Variants in CSNK1G1 observed in about 807,000 individuals in gnomAD.
CSNK1G1 encodes the protein casein kinase I isoform gamma-1.
In CSNK1G1, 22 loss-of-function variants were observed where a neutral mutation model predicts 59.6. The ratio of observed to expected loss-of-function variants is 0.37; its 90% CI spans 0.26 to 0.53. CSNK1G1 has a LOEUF of 0.53. Ranked by LOEUF, CSNK1G1 falls within the 20% of genes least tolerant of loss-of-function variation. The pLI, the probability that CSNK1G1 is intolerant of heterozygous loss-of-function variation, is 0.89. For missense variants in CSNK1G1, 384 were observed against 519.5 expected (o/e 0.74, Z 2.54); for synonymous variants, 179 against 177.1 (o/e 1.01, Z -0.08).
intron 3 of CSNK1G1, among the ~76,000 whole-genome samples, chr15:64,254,729 C>T (rs1892279579): frequency 6.6e-6 from 1 of 152,146 alleles, no homozygotes; most frequent in Non-Finnish European, 1.5e-5. Flanking sequence ...TTATTTTCTC[C>T]TATTCCTTTC....
intron 1 of CSNK1G1, among the ~76,000 whole-genome samples, chr15:64,334,520 G>T (rs1171666207): frequency 1.3e-5 from 2 of 152,158 alleles, no homozygotes; most frequent in Non-Finnish European, 2.9e-5. Flanking sequence ...TCACCATAAT[G>T]TAGAATCAGT....
At chr15:64,303,344 G>A in intron 1 of CSNK1G1, among the ~76,000 whole-genome samples, 1 of 151,032 alleles carries the variant, frequency 6.6e-6, no homozygotes, top group Non-Finnish European at 1.5e-5. Context: ...GCTGGGCATG[G>A]TGGCTCATCC....
chr15:64,333,041 G>A (rs1347150942), intron 1 of CSNK1G1, among the ~76,000 whole-genome samples: 1 of 151,950 alleles, frequency 6.6e-6, no homozygotes, highest in Non-Finnish European at 1.5e-5. Context: ...TGGATCACCT[G>A]AGGTTAGGAG....
Position 64,254,508 on chromosome 15 carries a change from C to T in CSNK1G1, c.223-2927G>A, listed in dbSNP as rs542438041. On this transcript the variant is annotated intron_variant, in intron 3 of 11. Transcript: ENST00000303052. Reference sequence around the variant, plus strand: ...CTGGGATTACAGGTATGCACCACCACACCTGGCTAATTTTTGTATTTTTAG... The same window carrying T: ...CTGGGATTACAGGTATGCACCACCATACCTGGCTAATTTTTGTATTTTTAG... Among the ~76,000 whole-genome samples, 7 of 152,160 alleles carry T rather than the reference C, an allele frequency of 4.6e-5. No homozygotes were observed. The East Asian group carries it at 9.7e-4, about 21-fold the overall frequency.
At chr15:64,335,389 T>A (rs1246969102) in intron 1 of CSNK1G1, among the ~76,000 whole-genome samples, 1 of 152,246 alleles carries the variant, frequency 6.6e-6, no homozygotes, top group East Asian at 1.9e-4. Flanking sequence ...CTGATCCTCA[T>A]TTTTCTTTCA....
intron 6 of CSNK1G1, among the ~76,000 whole-genome samples, chr15:64,212,125 C>A (rs554606776): frequency 3.9e-5 from 6 of 152,260 alleles, no homozygotes; most frequent in African/African-American, 1.4e-4. Context: ...GAAGCATTAC[C>A]CTCATTTTAC....
intron 1 of CSNK1G1, among the ~76,000 whole-genome samples, chr15:64,333,575 G>A (rs919250893): frequency 2.0e-5 from 3 of 151,770 alleles, no homozygotes; most frequent in Non-Finnish European, 4.4e-5. Context: ...GACTAAAGCA[G>A]TACCTCACAT....
intron 2 of CSNK1G1, among the ~76,000 whole-genome samples, chr15:64,279,327 A>G (rs1421304908): frequency 6.6e-6 from 1 of 152,200 alleles, no homozygotes; most frequent in African/African-American, 2.4e-5. Flanking sequence ...TTTGACTGCT[A>G]TTGTAGGAAA....
rs139470765 is a variant in CSNK1G1 at position 64,267,865 on chromosome 15, A to C, written c.182-8624T>G. On this transcript the variant is annotated intron_variant, in intron 2 of 11. Coordinates refer to ENST00000303052, the MANE Select transcript of CSNK1G1 (RefSeq NM_022048.5). Reference sequence around the variant, plus strand: ...CATGGTGGCTCATGCCTGTAGTTCCAACACTTTGGGAAGCCAAGGTGAGAG... The same window carrying C: ...CATGGTGGCTCATGCCTGTAGTTCCCACACTTTGGGAAGCCAAGGTGAGAG... Among the ~76,000 whole-genome samples the C allele has an allele frequency of 4.6e-3, 707 of 152,312 alleles. 7 individuals are homozygous for C. Among genetic ancestry groups the C allele is most frequent in the African/African-American group, 0.015 (627 of 41,558 alleles).
At chr15:64,178,476 A>G (rs895369560) in intron 11 of CSNK1G1, among the ~76,000 whole-genome samples, 2 of 146,772 alleles carry the variant, frequency 1.4e-5, no homozygotes, top group Non-Finnish European at 3.0e-5. Flanking sequence ...TCCAAGCAAA[A>G]ATTTTCTTTT....
chr15:64,345,827 C>G (rs533208179), intron 1 of CSNK1G1, among the ~76,000 whole-genome samples: 10 of 152,192 alleles, frequency 6.6e-5, no homozygotes, highest in African/African-American at 1.7e-4. Context: ...GAGTCTCACT[C>G]TGTCGCTAGG....
chr15:64,195,455 T>A (rs1171859091), intron 10 of CSNK1G1, among the ~76,000 whole-genome samples: 1 of 152,212 alleles, frequency 6.6e-6, no homozygotes, highest in Non-Finnish European at 1.5e-5. Context: ...ACGTAAGGAT[T>A]GTCACAAGCT....
chr15:64,300,601 G>T lies in CSNK1G1; in HGVS notation c.-102C>A. ...TCCAAATAAATTGTAGTCAGAGAAA[G>T]GTAAGGAGTTCTTTTAGCACCATAT... On this transcript the variant is annotated 5_prime_UTR_variant, in exon 2 of 12. Transcript: ENST00000303052. 1 of 1,445,956 alleles carries T rather than the reference G, an allele frequency of 6.9e-7. No individual in the cohort carries two copies. The highest frequency in any genetic ancestry group is 1.4e-5 in the African/African-American group (1 of 70,478). The allele number at this position is 1,445,956 out of a possible 1,614,324, so 89.6% of individuals were successfully genotyped here. A position where few individuals can be genotyped will look rare whatever the true frequency, so the allele number is the denominator to read the frequency against.
At chr15:64,254,180 G>A (rs1458575465) in intron 3 of CSNK1G1, among the ~76,000 whole-genome samples, 2 of 151,610 alleles carry the variant, frequency 1.3e-5, no homozygotes, top group Non-Finnish European at 2.9e-5. Context: ...ATCTAGTGTA[G>A]TCAAATTCAT....
intron 1 of CSNK1G1, among the ~76,000 whole-genome samples, chr15:64,329,348 C>T (rs1376755443): frequency 1.3e-5 from 2 of 150,230 alleles, no homozygotes; most frequent in Admixed American, 6.6e-5. Flanking sequence ...TGCAATCAAA[C>T]TAGAACTCAG....
At chr15:64,234,588 C>A (rs2082590558) in intron 4 of CSNK1G1, among the ~76,000 whole-genome samples, 1 of 152,198 alleles carries the variant, frequency 6.6e-6, no homozygotes, top group Non-Finnish European at 1.5e-5. Context: ...CAGGACCACA[C>A]ACTAGCTCTC....
At chr15:64,261,604 AAAC>A (rs1477970423) in intron 2 of CSNK1G1, among the ~76,000 whole-genome samples, 8 of 151,970 alleles carry the variant, frequency 5.3e-5, no homozygotes, top group Non-Finnish European at 1.0e-4. Context: ...TCTGTCTCAA[AAAC>A]AACAACAACA....
chr15:64,276,316 A>G (rs1054972958), intron 2 of CSNK1G1, among the ~76,000 whole-genome samples: 2 of 152,208 alleles, frequency 1.3e-5, no homozygotes, highest in African/African-American at 2.4e-5. Context: ...GAGAAATACC[A>G]AAGTATTTTT....
chr15:64,332,425 C>CA (rs1284237795), intron 1 of CSNK1G1, among the ~76,000 whole-genome samples: 1 of 136,444 alleles, frequency 7.3e-6, no homozygotes, highest in Admixed American at 7.6e-5. Context: ...ATCACAAGAA[C>CA]AAAAAACCAA....
Sources: gnomAD v4.1 joint callset for allele counts (sites outside exome capture counted in the v4.1 genomes callset) on GRCh38, gnomAD v4.1.1 for gene constraint, MANE v1.5 for transcripts, NCBI Gene and HGNC (gene_info 2026-07-23, HGNC 2026-07-21) for gene names.